The following DPP10 variants were observed in gnomAD, a reference collection of about 807,000 sequenced individuals.
The protein encoded by DPP10 is inactive dipeptidyl peptidase 10.
In DPP10, 33 loss-of-function variants were observed where a neutral mutation model predicts 120.9. The ratio of observed to expected loss-of-function variants is 0.27; its 90% CI spans 0.21 to 0.37. The LOEUF is 0.37. DPP10 is among the 10% of genes least tolerant of loss of function. The pLI is 1.00. For missense variants in DPP10, 816 were observed against 942.8 expected (o/e 0.87, Z 1.76); for synonymous variants, 337 against 326.1 (o/e 1.03, Z -0.36).
At chr2:114,804,416 T>C (rs974121555) in intron 1 of DPP10, among the ~76,000 whole-genome samples, 5 of 152,056 alleles carry the variant, frequency 3.3e-5, no homozygotes, top group Non-Finnish European at 7.4e-5. Flanking sequence ...CCCAGAATGG[T>C]AGATCCACCA....
chr2:115,157,145 C>G (rs962831593), intron 1 of DPP10, among the ~76,000 whole-genome samples: 2 of 149,372 alleles, frequency 1.3e-5, no homozygotes, highest in Admixed American at 6.7e-5. Flanking sequence ...GAAAAGCATA[C>G]ACGGTAAAAT....
At chr2:114,952,285 A>G (rs1411053511) in intron 1 of DPP10, among the ~76,000 whole-genome samples, 1 of 152,172 alleles carries the variant, frequency 6.6e-6, no homozygotes, top group Non-Finnish European at 1.5e-5. Context: ...CTGGAAATAC[A>G]TTTACATAAA....
chr2:114,795,615 G>A (rs1683639762), intron 1 of DPP10, among the ~76,000 whole-genome samples: 1 of 151,954 alleles, frequency 6.6e-6, no homozygotes, highest in Non-Finnish European at 1.5e-5. Flanking sequence ...ACAGAGTTTT[G>A]AACTATGTGG....
chr2:115,812,895 T>G (rs1417420966), intron 19 of DPP10, among the ~76,000 whole-genome samples: 1 of 151,788 alleles, frequency 6.6e-6, no homozygotes, highest in Non-Finnish European at 1.5e-5. Flanking sequence ...TCTTAAGTGC[T>G]TAGACCACAG....
intron 4 of DPP10, among the ~76,000 whole-genome samples, chr2:115,521,448 A>G (rs10170619): frequency 0.029 from 4,360 of 152,246 alleles, 211 homozygotes; most frequent in African/African-American, 0.1. Context: ...TGTATATAAA[A>G]TTCGAATGTC....
intron 3 of DPP10, among the ~76,000 whole-genome samples, chr2:115,362,429 A>G (rs914404409): frequency 6.6e-6 from 1 of 152,204 alleles, no homozygotes; most frequent in Non-Finnish European, 1.5e-5. Flanking sequence ...TCAAGAACAC[A>G]GAGATAAATT....
chr2:114,446,653 T>A (rs1677960861), intron 1 of DPP10, among the ~76,000 whole-genome samples: 1 of 152,166 alleles, frequency 6.6e-6, no homozygotes, highest in Non-Finnish European at 1.5e-5. Context: ...CTGCTGCAAG[T>A]TTTTACAAAC....
At chr2:114,802,411 T>C (rs944093777) in intron 1 of DPP10, among the ~76,000 whole-genome samples, 12 of 152,244 alleles carry the variant, frequency 7.9e-5, no homozygotes, top group African/African-American at 2.7e-4. Context: ...AGATGTATCT[T>C]CTCTGTGGAT....
chr2:115,249,333 G>T (rs2058661464), intron 1 of DPP10, among the ~76,000 whole-genome samples: 1 of 152,118 alleles, frequency 6.6e-6, no homozygotes, highest in Admixed American at 6.6e-5. Context: ...TTTGGCATTA[G>T]TTGGACCTTT....
intron 5 of DPP10, among the ~76,000 whole-genome samples, chr2:115,558,419 G>A (rs1428843713): frequency 1.3e-5 from 2 of 152,062 alleles, no homozygotes; most frequent in Admixed American, 1.3e-4. Context: ...GAAAACCATT[G>A]GTCAGAGACT....
At chr2:115,665,787 T>C (rs1448743633) in intron 5 of DPP10, among the ~76,000 whole-genome samples, 1 of 152,204 alleles carries the variant, frequency 6.6e-6, no homozygotes, top group African/African-American at 2.4e-5. Flanking sequence ...TCTTCAAGCT[T>C]ACCATTTTTT....
intron 5 of DPP10, among the ~76,000 whole-genome samples, chr2:115,560,057 G>A (rs2080466633): frequency 1.3e-5 from 2 of 151,558 alleles, no homozygotes; most frequent in Non-Finnish European, 1.5e-5. Flanking sequence ...ACTTGAGGTC[G>A]CCGTTCAAAG....
intron 1 of DPP10, among the ~76,000 whole-genome samples, chr2:114,956,960 G>A (rs1698253669): frequency 7.5e-6 from 1 of 133,352 alleles, no homozygotes; most frequent in South Asian, 2.5e-4. Context: ...AGACTTACAT[G>A]TAAGACCTAA....
intron 5 of DPP10, among the ~76,000 whole-genome samples, chr2:115,536,000 A>G (rs2078807957): frequency 6.6e-6 from 1 of 152,054 alleles, no homozygotes; most frequent in African/African-American, 2.4e-5. Flanking sequence ...TTATCAGCTT[A>G]AGGAGATTTT....
intron 1 of DPP10, among the ~76,000 whole-genome samples, chr2:114,827,301 G>C (rs1220518180): frequency 6.6e-6 from 1 of 152,122 alleles, no homozygotes; most frequent in Admixed American, 6.5e-5. Context: ...TGCTGGGCAG[G>C]TAATAGGAGA....
At chr2:115,381,307 C>G (rs1254586140) in intron 3 of DPP10, among the ~76,000 whole-genome samples, 1 of 152,146 alleles carries the variant, frequency 6.6e-6, no homozygotes, top group African/African-American at 2.4e-5. Context: ...TTCATTTCAT[C>G]TTCCATCACT....
At chr2:115,192,981 A>AT (rs1157280852) in intron 1 of DPP10, among the ~76,000 whole-genome samples, 2 of 151,866 alleles carry the variant, frequency 1.3e-5, no homozygotes, top group Admixed American at 1.3e-4. Context: ...CAAAAAAAAA[A>AT]TTTTTAACCT....
At chr2:115,830,902 G>A (rs1458043698) in intron 21 of DPP10, among the ~76,000 whole-genome samples, 2 of 152,120 alleles carry the variant, frequency 1.3e-5, no homozygotes, top group African/African-American at 2.4e-5. Context: ...GTTATGTAAA[G>A]TTTTGTATCT....
chr2:115,205,731 C>T (rs554849241), intron 1 of DPP10, among the ~76,000 whole-genome samples: 8 of 152,054 alleles, frequency 5.3e-5, no homozygotes, highest in Non-Finnish European at 1.0e-4. Context: ...TTTGCAGTAA[C>T]GTGGATGCAG....
Sources: allele counts gnomAD v4.1 joint callset (sites outside exome capture counted in the v4.1 genomes callset), GRCh38; gene constraint gnomAD v4.1.1; transcripts MANE v1.5; gene names NCBI Gene and HGNC (gene_info 2026-07-23, HGNC 2026-07-21).